Variants in DLGAP2 observed in about 807,000 individuals in gnomAD.
The protein encoded by DLGAP2 is disks large-associated protein 2.
A neutral mutation model predicts 100.3 loss-of-function variants in DLGAP2; 26 were observed. The ratio of observed to expected loss-of-function variants is 0.26; its 90% CI spans 0.19 to 0.36. DLGAP2 has a LOEUF of 0.36. Ranked by LOEUF, DLGAP2 falls within the 10% of genes least tolerant of loss-of-function variation. The probability of loss-of-function intolerance (pLI) is 1.00; values close to 1 mark genes in which losing one functional copy is unlikely to be tolerated. For synonymous variants in DLGAP2, 886 were observed against 630.1 expected (o/e 1.41, Z -6.08); for missense variants, 1,858 against 1,453.2 (o/e 1.28, Z -4.53).
At chr8:1,316,247 C>T (rs1351080938) in intron 3 of DLGAP2, among the ~76,000 whole-genome samples, 70 of 106,160 alleles carry the variant, frequency 6.6e-4, no homozygotes, top group East Asian at 1.5e-3. Context: ...TCGAGAAACT[C>T]GGCAGCTTTT....
chr8:854,649 GTGTC>G (rs1044268573), intron 1 of DLGAP2, among the ~76,000 whole-genome samples: 3 of 152,292 alleles, frequency 2.0e-5, no homozygotes, highest in Non-Finnish European at 4.4e-5. Context: ...GTGTGTGCAT[GTGTC>G]TGTGTGTGTT....
intron 3 of DLGAP2, among the ~76,000 whole-genome samples, chr8:1,419,000 C>T (rs1185953028): frequency 6.6e-6 from 1 of 152,250 alleles, no homozygotes; most frequent in African/African-American, 2.4e-5. Context: ...CACAGCCGAA[C>T]GAAGGGGCAC....
intron 12 of DLGAP2, among the ~76,000 whole-genome samples, chr8:1,686,920 C>T (rs1799130555): frequency 6.6e-6 from 1 of 152,156 alleles, no homozygotes; most frequent in African/African-American, 2.4e-5. Context: ...GATGCACGTC[C>T]CAGTCATCCT....
At chr8:920,605 G>A (rs1295495263) in intron 2 of DLGAP2, among the ~76,000 whole-genome samples, 1 of 151,950 alleles carries the variant, frequency 6.6e-6, no homozygotes, top group African/African-American at 2.4e-5. Context: ...AAAACAATTA[G>A]CCAGGTGTGG....
intron 10 of DLGAP2, 66 bp downstream of exon 10, chr8:1,669,850 T>C (rs1798646312): frequency 1.3e-6 from 1 of 780,304 alleles, no homozygotes; most frequent in African/African-American, 1.7e-5. Flanking sequence ...CTTTTTTGGA[T>C]GTTCATGCGA....
At chr8:1,370,861 G>T (rs1172990312) in intron 3 of DLGAP2, among the ~76,000 whole-genome samples, 2 of 152,212 alleles carry the variant, frequency 1.3e-5, no homozygotes, top group African/African-American at 4.8e-5. Flanking sequence ...CACCACACAG[G>T]ACTGTTGTAA....
At chr8:1,294,040 C>G (rs1390359800) in intron 3 of DLGAP2, among the ~76,000 whole-genome samples, 2 of 152,166 alleles carry the variant, frequency 1.3e-5, no homozygotes, top group Non-Finnish European at 2.9e-5. Context: ...ACCAGGGCTC[C>G]CTGCCGGGCA....
chr8:1,441,827 G>A (rs117935182), intron 3 of DLGAP2, among the ~76,000 whole-genome samples: 8,006 of 151,308 alleles, frequency 0.053, 287 homozygotes, highest in Non-Finnish European at 0.078. Context: ...TAAAGTTCTG[G>A]GATGTGCAGG....
rs558977644 is a variant in DLGAP2 at position 760,749 on chromosome 8, C to T, written c.18+22924C>T. On this transcript the variant is annotated intron_variant, in intron 1 of 14. Coordinates refer to ENST00000637795, the MANE Select transcript of DLGAP2 (RefSeq NM_001346810.2). ...GTCCCTCAGTGCAGGGCTTCGCGAG[C>T]GCCTCCGATTGGGAGTTGCACGCAT... 1.2e-3 allele frequency among the ~76,000 whole-genome samples: 181 copies of T among 152,254 alleles called. 5 individuals carry two copies. In the South Asian group the frequency reaches 0.037, roughly 31 times the overall value.
intron 6 of DLGAP2, among the ~76,000 whole-genome samples, chr8:1,580,285 A>G (rs1803178551): frequency 2.0e-5 from 3 of 152,196 alleles, no homozygotes. Context: ...GGAGAACTCT[A>G]AGAAAGAGGC....
At chr8:1,339,539 T>C (rs1801371786) in intron 3 of DLGAP2, among the ~76,000 whole-genome samples, 1 of 152,234 alleles carries the variant, frequency 6.6e-6, no homozygotes, top group Non-Finnish European at 1.5e-5. Context: ...GGAACAAGCT[T>C]CCGTGTCACG....
chr8:1,428,671 G>A (rs1012298867), intron 3 of DLGAP2, among the ~76,000 whole-genome samples: 8 of 152,240 alleles, frequency 5.3e-5, no homozygotes, highest in Non-Finnish European at 1.2e-4. Context: ...TTTTAACACA[G>A]TGATGGCTCT....
At chr8:1,004,979 C>T (rs1195864714) in intron 2 of DLGAP2, among the ~76,000 whole-genome samples, 1 of 152,174 alleles carries the variant, frequency 6.6e-6, no homozygotes, top group Non-Finnish European at 1.5e-5. Context: ...ACACAGGGCC[C>T]TGGCTTTTTG....
At chr8:799,699 T>A (rs920532552) in intron 1 of DLGAP2, among the ~76,000 whole-genome samples, 13 of 152,158 alleles carry the variant, frequency 8.5e-5, no homozygotes, top group African/African-American at 3.1e-4. Context: ...TAGGCTCAAG[T>A]CATCTTCCCA....
chr8:1,226,706 T>G (rs1798423250), intron 2 of DLGAP2, among the ~76,000 whole-genome samples: 1 of 152,148 alleles, frequency 6.6e-6, no homozygotes, highest in Non-Finnish European at 1.5e-5. Context: ...GATTTGCATT[T>G]CCCTGAGGAT....
chr8:1,505,544 G>A (rs573349870), intron 4 of DLGAP2, among the ~76,000 whole-genome samples: 13 of 152,338 alleles, frequency 8.5e-5, no homozygotes, highest in Non-Finnish European at 1.5e-4. Context: ...GTTCTCTGAA[G>A]CTCATAGAGT....
intron 6 of DLGAP2, among the ~76,000 whole-genome samples, chr8:1,569,916 C>T (rs1018713131): frequency 3.3e-5 from 5 of 151,948 alleles, no homozygotes; most frequent in African/African-American, 1.2e-4. Context: ...TGGCACTGCT[C>T]TGTGGAGGGC....
chr8:1,451,974 C>T (rs907496549), intron 3 of DLGAP2, among the ~76,000 whole-genome samples: 3 of 152,230 alleles, frequency 2.0e-5, no homozygotes, highest in African/African-American at 7.2e-5. Flanking sequence ...ACTCTTAAAA[C>T]GACAACAAAA....
intron 2 of DLGAP2, among the ~76,000 whole-genome samples, chr8:1,179,954 G>T (rs1185834069): frequency 1.3e-5 from 2 of 152,188 alleles, no homozygotes; most frequent in East Asian, 3.9e-4. Context: ...ATAAAGATTG[G>T]ATGCTTGTTT....
Sources: gnomAD v4.1 joint callset for allele counts (sites outside exome capture counted in the v4.1 genomes callset) on GRCh38, gnomAD v4.1.1 for gene constraint, MANE v1.5 for transcripts, NCBI Gene and HGNC (gene_info 2026-07-23, HGNC 2026-07-21) for gene names.